The following ERICH1 variants were observed in gnomAD, a reference collection of about 807,000 sequenced individuals.
ERICH1 encodes the protein glutamate-rich protein 1.
A neutral mutation model predicts 39.6 loss-of-function variants in ERICH1; 56 were observed. The observed-to-expected ratio is 1.41, with a 90% confidence interval of 1.14 to 1.77. ERICH1 has a LOEUF of 1.77. ERICH1 is among the 40% of genes most tolerant of loss of function. The pLI is 0.00. For synonymous variants in ERICH1, 313 were observed against 223.6 expected, an observed-to-expected ratio of 1.40 and a Z score of -3.57; for missense variants, 826 against 575.4, an observed-to-expected ratio of 1.44 and a Z score of -4.45.
rs1296379261 is a variant in ERICH1, at chr8:731,182, T to C, written c.-21A>G. 4 of 1,499,138 alleles carry C rather than the reference T, an allele frequency of 2.7e-6. No individual in the cohort carries two copies. The highest frequency in any genetic ancestry group is 8.9e-7 in the Non-Finnish European group (1 of 1,126,370). The allele number at this position is 1,499,138 out of a possible 1,614,324, so 92.9% of individuals were successfully genotyped here. ...GCCATGCGGGACCCTGCCGCGGACC[T>C]CAGACCACGGCGCGCGGTCCTGAGC... is the stretch of plus-strand genomic sequence containing the variant. On this transcript the variant is annotated 5_prime_UTR_variant, in exon 1 of 6. Transcript: ENST00000262109.
At chr8:716,266 C>A (rs544820564) in intron 1 of ERICH1, among the ~76,000 whole-genome samples, 1 of 152,360 alleles carries the variant, frequency 6.6e-6, no homozygotes, top group East Asian at 1.9e-4. Context: ...CATCACCCTG[C>A]ATCCAGGAGG....
At chr8:615,717 G>C (rs2116986610) in intron 3 of ERICH1, 1 of 155,490 alleles carries the variant, frequency 6.4e-6, no homozygotes, top group African/African-American at 2.4e-5. Flanking sequence ...CTTATTGCTT[G>C]GAGGTTTACT....
intron 3 of ERICH1, chr8:656,657 T>C (rs1031124853): frequency 1.2e-6 from 1 of 806,624 alleles, no homozygotes; most frequent in Non-Finnish European, 1.5e-6. Context: ...GTGTGGAATT[T>C]TGGGGCTTAC....
chr8:625,839 A>G (rs1430510735), intron 3 of ERICH1: 1 of 152,220 alleles, frequency 6.6e-6, no homozygotes, highest in East Asian at 1.9e-4. Context: ...GTTCTTTGTT[A>G]CGCAACACAG....
intron 2 of ERICH1, among the ~76,000 whole-genome samples, chr8:701,606 C>T (rs1260568450): frequency 6.6e-6 from 1 of 152,220 alleles, no homozygotes; most frequent in Non-Finnish European, 1.5e-5. Flanking sequence ...CACCACCTCA[C>T]ACCAGACAAC....
In ERICH1 at chr8:697,195, C is replaced by G. The variant is rs529878040; in HGVS notation, c.170-4583G>C. ...ACTCTCGTGGCCTCTTGCTTTTCAC[C>G]CATGGCCTGTCTTGGTGCTGAGGCT... On this transcript the variant is annotated intron_variant, in intron 2 of 5. Transcript: ENST00000262109. Among the ~76,000 whole-genome samples the G allele has an allele frequency of 3.3e-5, 5 of 152,304 alleles. No individual in the cohort carries two copies. The East Asian group carries it at 9.7e-4, about 29-fold the overall frequency.
intron 2 of ERICH1, among the ~76,000 whole-genome samples, chr8:705,979 C>T (rs763384240): frequency 2.6e-5 from 4 of 152,160 alleles, no homozygotes; most frequent in South Asian, 2.1e-4. Flanking sequence ...AAGATGATAA[C>T]GCTGTATTTT....
In ERICH1 at chr8:620,645, G is replaced by A. The variant is rs975232519; in HGVS notation, c.977-5361C>T. 9.2e-5 allele frequency among the ~76,000 whole-genome samples: 14 copies of A among 152,070 alleles called. No homozygotes were observed. The South Asian group carries it at 2.3e-3, about 25-fold the overall frequency. ...TGCAAACAGCAACCATGACAGAGCT[G>A]GATAGGCTATACTAACATCAGAAAA... On this transcript the variant is annotated intron_variant, in intron 3 of 3. Coordinates refer to the ERICH1 transcript ENST00000522706.
intron 1 of ERICH1, among the ~76,000 whole-genome samples, chr8:723,164 C>T (rs561908913): frequency 2.0e-4 from 31 of 152,316 alleles, no homozygotes; most frequent in Non-Finnish European, 3.4e-4. Context: ...CACCATAGGA[C>T]GCTGGCTCCC....
intron 1 of ERICH1, among the ~76,000 whole-genome samples, chr8:721,853 T>C (rs1440770293): frequency 2.0e-5 from 3 of 152,250 alleles, no homozygotes; most frequent in African/African-American, 7.2e-5. Context: ...AATGTGTTTT[T>C]ACCTAAGTGT....
intron 2 of ERICH1, among the ~76,000 whole-genome samples, chr8:711,389 G>C (rs186625979): frequency 6.6e-6 from 1 of 152,082 alleles, no homozygotes; most frequent in Non-Finnish European, 1.5e-5. Context: ...GATTGATCAA[G>C]CCTTTGGTGT....
Position 668,604 on chromosome 8 carries a change from G to T in ERICH1, c.1252C>A (p.Pro418Thr), listed in dbSNP as rs925913567. Residue 418 changes from proline (P) to threonine (T), a missense_variant, in exon 5 of 6, where the codon CCT (proline) becomes ACT (threonine). By Grantham distance (38) the Pro-to-Thr change is conservative. Coordinates refer to ENST00000262109, the MANE Select transcript of ERICH1 (RefSeq NM_207332.3). ...TAAATCGTACGGTACTTACCAGGAGGCATCGTGCAATGTTCTGGGAACATT... is the reference window on the plus strand; with the variant it reads ...TAAATCGTACGGTACTTACCAGGAGTCATCGTGCAATGTTCTGGGAACATT... ...LEMFPEHCTM[P>T]PDHARVISAF... 6.2e-7 allele frequency: 1 copy of T among 1,614,066 alleles called. No homozygotes were observed. The highest frequency in any genetic ancestry group is 1.3e-5 in the African/African-American group (1 of 74,936).
chr8:633,047 G>A (rs1166475423), intron 3 of ERICH1, among the ~76,000 whole-genome samples: 4 of 152,190 alleles, frequency 2.6e-5, no homozygotes, highest in South Asian at 2.1e-4. Flanking sequence ...CCTGAGAAAC[G>A]CACAACCAGT....
At chr8:697,700 C>A (rs1330507762) in intron 2 of ERICH1, among the ~76,000 whole-genome samples, 2 of 152,180 alleles carry the variant, frequency 1.3e-5, no homozygotes, top group African/African-American at 2.4e-5. Flanking sequence ...CCCGCCCCCG[C>A]CCCCTCAGCC....
chr8:669,920 C>CT (rs1174621645), intron 4 of ERICH1, among the ~76,000 whole-genome samples: 3 of 152,216 alleles, frequency 2.0e-5, no homozygotes, highest in African/African-American at 4.8e-5. Flanking sequence ...ACCTGTGACT[C>CT]TGTGTCCTGT....
Position 617,691 on chromosome 8 carries a change from T to G in ERICH1, c.977-2407A>C, listed in dbSNP as rs556978570. Among the ~76,000 whole-genome samples the G allele has an allele frequency of 2.0e-5, 3 of 151,752 alleles. No homozygotes were observed. The South Asian group carries it at 6.3e-4, about 32-fold the overall frequency. ...CGGTCTATCCTCACTGCCCTCTAAG[T>G]GGTCAGTACTTGGTGCTTGGTCCAT... On this transcript the variant is annotated intron_variant, in intron 3 of 3. Coordinates refer to the ERICH1 transcript ENST00000522706.
intron 3 of ERICH1, among the ~76,000 whole-genome samples, chr8:683,958 T>C (rs182095204): frequency 6.8e-4 from 104 of 152,378 alleles, no homozygotes; most frequent in African/African-American, 1.8e-3. Context: ...TAGATTAGTT[T>C]TGAATAGGCT....
Position 687,642 on chromosome 8 carries a change from G to T in ERICH1, c.304+4836C>A, listed in dbSNP as rs565881023. On this transcript the variant is annotated intron_variant, in intron 3 of 5. Coordinates refer to ENST00000262109, the MANE Select transcript of ERICH1 (RefSeq NM_207332.3). ...GAGCGCAGCAGGAGGAAGGCAGCGC[G>T]CGGGGAGCGCCCGGGCGGCCCAGGC... 3.8e-3 allele frequency among the ~76,000 whole-genome samples: 576 copies of T among 152,276 alleles called. 8 individuals carry two copies. Among genetic ancestry groups the T allele is most frequent in the African/African-American group, 0.013 (534 of 41,572 alleles).
intron 1 of ERICH1, among the ~76,000 whole-genome samples, chr8:720,537 C>A (rs1389227662): frequency 6.6e-6 from 1 of 152,120 alleles, no homozygotes; most frequent in Non-Finnish European, 1.5e-5. Context: ...GTTTAAATCC[C>A]GAGTTTTCAT....
Sources: gnomAD v4.1 joint callset for allele counts (sites outside exome capture counted in the v4.1 genomes callset) on GRCh38, gnomAD v4.1.1 for gene constraint, MANE v1.5 for transcripts, NCBI Gene and HGNC (gene_info 2026-07-23, HGNC 2026-07-21) for gene names.